The following RAI1 variants were observed in gnomAD, a reference collection of about 807,000 sequenced individuals.
RAI1 encodes the protein retinoic acid-induced protein 1.
Under a neutral mutation model 123.8 loss-of-function variants are expected in RAI1, and 9 were observed. The observed-to-expected ratio is 0.07, with a 90% CI of 0.04 to 0.13. The LOEUF is 0.13. Ranked by LOEUF, RAI1 falls within the 10% of genes least tolerant of loss-of-function variation. The pLI is 1.00. For missense variants in RAI1, 2,256 were observed against 2,545.8 expected (o/e 0.89, Z 2.45); for synonymous variants, 1,231 against 1,127.3 (o/e 1.09, Z -1.84).
chr17:17,730,481 C>A (rs1301478251), intron 2 of RAI1, among the ~76,000 whole-genome samples: 1 of 152,230 alleles, frequency 6.6e-6, no homozygotes, highest in Non-Finnish European at 1.5e-5. Context: ...GCCCATGGCG[C>A]CTGTTGCCCA....
At chr17:17,706,646 G>A (rs1330141037) in intron 1 of RAI1, among the ~76,000 whole-genome samples, 3 of 152,160 alleles carry the variant, frequency 2.0e-5, no homozygotes, top group Non-Finnish European at 2.9e-5. Context: ...GCACCCGAGC[G>A]GCATCCAGGG....
intron 2 of RAI1, among the ~76,000 whole-genome samples, chr17:17,762,700 C>T (rs2030754365): frequency 6.6e-6 from 1 of 152,126 alleles, no homozygotes; most frequent in Non-Finnish European, 1.5e-5. Context: ...TGGTGGGGGA[C>T]TTGTCGGGAG....
intron 1 of RAI1, among the ~76,000 whole-genome samples, chr17:17,694,629 C>T (rs1178549432): frequency 6.6e-6 from 1 of 151,942 alleles, no homozygotes; most frequent in Non-Finnish European, 1.5e-5. Context: ...CCCTCCCCGC[C>T]CGCGGCGCCC....
chr17:17,767,047 C>A (rs954268359), intron 2 of RAI1, among the ~76,000 whole-genome samples: 1 of 152,090 alleles, frequency 6.6e-6, no homozygotes, highest in African/African-American at 2.4e-5. Context: ...GCATAGCACA[C>A]ACATGGACAT....
chr17:17,795,258 G>A lies in RAI1; in HGVS notation c.2310G>A (p.Glu770=). The part of the protein sequence containing the change: ...LHPGELTKGL[E]QGGKASDGIS... Reference sequence around the variant, plus strand: ...CTGGCGAGCTTACCAAGGGCCTGGAGCAGGGTGGGAAGGCCTCAGATGGCA... The same window carrying A: ...CTGGCGAGCTTACCAAGGGCCTGGAACAGGGTGGGAAGGCCTCAGATGGCA... The change falls in exon 3 of 6, where the codon GAG becomes GAA. Residue 770 remains glutamate (E), a synonymous_variant. Coordinates refer to ENST00000353383, the MANE Select transcript of RAI1 (RefSeq NM_030665.4). This position sits in a 1 kb window ranked among gnomAD's most constrained non-coding sequence, Gnocchi z 5.9. The A allele has an allele frequency of 1.9e-6, 3 of 1,614,058 alleles. No individual in the cohort carries two copies. The highest frequency in any genetic ancestry group is 1.6e-4 in the Middle Eastern group (1 of 6,062).
At chr17:17,787,141 G>C (rs2031853859) in intron 2 of RAI1, among the ~76,000 whole-genome samples, 1 of 152,220 alleles carries the variant, frequency 6.6e-6, no homozygotes, top group African/African-American at 2.4e-5. Flanking sequence ...CTGGGGCTTG[G>C]GGTGGGGAGA....
intron 2 of RAI1, among the ~76,000 whole-genome samples, chr17:17,758,720 G>C (rs1043697932): frequency 1.3e-5 from 2 of 152,192 alleles, no homozygotes; most frequent in Non-Finnish European, 2.9e-5. Context: ...AATGATCAAC[G>C]TATGTACGAG....
chr17:17,722,463 AG>A (rs1235337474), intron 1 of RAI1, among the ~76,000 whole-genome samples: 3 of 152,284 alleles, frequency 2.0e-5, no homozygotes, highest in East Asian at 1.9e-4. Context: ...TGCAGCGAAG[AG>A]GGGCCCGCGC....
At chr17:17,750,529 C>T (rs907060864) in intron 2 of RAI1, among the ~76,000 whole-genome samples, 13 of 151,842 alleles carry the variant, frequency 8.6e-5, no homozygotes, top group African/African-American at 2.4e-4. Flanking sequence ...TGAGACCAGC[C>T]TAACCAACAT....
rs768731279 is a variant in RAI1 at position 17,784,617 on chromosome 17, A to AG, written c.-16-8309dup. 1.2e-4 allele frequency among the ~76,000 whole-genome samples: 18 copies of AG among 151,962 alleles called. No homozygotes were observed. The South Asian group carries it at 3.3e-3, about 28-fold the overall frequency. Reference sequence around the variant, plus strand: ...AACAGCTGGTCTTGTAGGCCAGGAGAGGGGGGGTGTAGGCAGCACCACGTA... The same window carrying AG: ...AACAGCTGGTCTTGTAGGCCAGGAGAGGGGGGGGTGTAGGCAGCACCACGTA... On this transcript the variant is annotated intron_variant, in intron 2 of 5. Coordinates refer to ENST00000353383, the MANE Select transcript of RAI1 (RefSeq NM_030665.4).
intron 2 of RAI1, chr17:17,776,633 G>A (rs964806994): frequency 6.8e-6 from 1 of 147,556 alleles, no homozygotes; most frequent in African/African-American, 2.5e-5. Flanking sequence ...TGGGATTATA[G>A]GCATGAGCCA....
chr17:17,779,251 G>A (rs1186603875), intron 2 of RAI1: 4 of 317,366 alleles, frequency 1.3e-5, no homozygotes, highest in African/African-American at 4.3e-5. Context: ...CCCGAAGGTC[G>A]CTGCTTCTGG....
Position 17,722,590 on chromosome 17 carries a change from A to G in RAI1, c.-148-1438A>G, listed in dbSNP as rs535493108. Among the ~76,000 whole-genome samples, 19 of 152,262 alleles carry G rather than the reference A, an allele frequency of 1.2e-4. No individual in the cohort carries two copies. The East Asian group carries it at 2.9e-3, about 23-fold the overall frequency. The stretch of plus-strand genomic sequence containing the variant: ...GTCCCGCTCTTCTTTGTCTCGGCCT[A>G]GTTCTCGGCTGTCTCCGGGCCGCGA... On this transcript the variant is annotated intron_variant, in intron 1 of 5. Coordinates refer to ENST00000353383, the MANE Select transcript of RAI1 (RefSeq NM_030665.4).
At position 17,714,026 on chromosome 17, in the gene RAI1, G is replaced by A. The variant is rs1488093818; in HGVS notation, c.-148-10002G>A. ...CCCTCCCCTGGAGAGTGTCCCAGCCGCCCACGATGCCTCCACCCAGAGGCT... is the reference window on the plus strand; with the variant it reads ...CCCTCCCCTGGAGAGTGTCCCAGCCACCCACGATGCCTCCACCCAGAGGCT... On this transcript the variant is annotated intron_variant, in intron 1 of 5. Coordinates refer to ENST00000353383, the MANE Select transcript of RAI1 (RefSeq NM_030665.4). The surrounding 1 kb of genome is among the most constrained non-coding windows in gnomAD (Gnocchi z 4.9). 6.6e-6 allele frequency among the ~76,000 whole-genome samples: 1 copy of A among 152,006 alleles called. No individual in the cohort carries two copies. The highest frequency in any genetic ancestry group is 1.5e-5 in the Non-Finnish European group (1 of 67,990).
chr17:17,719,604 C>A (rs2142920840), intron 1 of RAI1, among the ~76,000 whole-genome samples: 1 of 152,306 alleles, frequency 6.6e-6, no homozygotes, highest in East Asian at 1.9e-4. Context: ...CCTAAGGTAA[C>A]ATACTACATC....
At chr17:17,687,322 C>T (rs1013007627) in intron 1 of RAI1, among the ~76,000 whole-genome samples, 3 of 152,166 alleles carry the variant, frequency 2.0e-5, no homozygotes, top group African/African-American at 4.8e-5. Context: ...TCTTCCTTTC[C>T]TCTCTGGCCT....
At chr17:17,683,528 C>T (rs888478506) in intron 1 of RAI1, 2 of 152,250 alleles carry the variant, frequency 1.3e-5, no homozygotes, top group African/African-American at 4.8e-5. Flanking sequence ...AGTTTCCCAC[C>T]CCTCCCCCTC....
chr17:17,794,193 G>A lies in RAI1; in HGVS notation c.1245G>A (p.Lys415=). 1 of 1,613,726 alleles carries A rather than the reference G, an allele frequency of 6.2e-7. No individual in the cohort carries two copies. The highest frequency in any genetic ancestry group is 8.5e-7 in the Non-Finnish European group (1 of 1,180,052). The change falls in exon 3 of 6, where the codon AAG becomes AAA. Residue 415 remains lysine (K), a synonymous_variant. Coordinates refer to ENST00000353383, the MANE Select transcript of RAI1 (RefSeq NM_030665.4). Reference sequence around the variant, plus strand: ...TGGACACCCAGGCTGGCAACTGCAAGCCCCTTCAGAAGGACAAGCTCCCTG... The same window carrying A: ...TGGACACCCAGGCTGGCAACTGCAAACCCCTTCAGAAGGACAAGCTCCCTG... The part of the protein sequence containing the change: ...SSVDTQAGNC[K]PLQKDKLPEN...
intron 1 of RAI1, among the ~76,000 whole-genome samples, chr17:17,718,950 A>G (rs1915795020): frequency 6.6e-6 from 1 of 152,176 alleles, no homozygotes; most frequent in Non-Finnish European, 1.5e-5. Context: ...ACTAGCATGA[A>G]TGGCAGATCC....
Sources: gnomAD v4.1 joint callset for allele counts (sites outside exome capture counted in the v4.1 genomes callset) on GRCh38, gnomAD v4.1.1 for gene constraint, Gnocchi (gnomAD v3.1) non-coding constraint, MANE v1.5 for transcripts, NCBI Gene and HGNC (gene_info 2026-07-23, HGNC 2026-07-21) for gene names.